Variants in FSTL5 observed in about 807,000 individuals in gnomAD.
FSTL5 encodes follistatin-related protein 5.
FSTL5 carries 62 observed loss-of-function variants against 89.1 expected under a neutral mutation model. The ratio of observed to expected loss-of-function variants is 0.70; its 90% CI spans 0.57 to 0.86. FSTL5 has a LOEUF of 0.86. Among genes scored for constraint, FSTL5 ranks in the 40% least tolerant of loss-of-function variants. The probability of loss-of-function intolerance (pLI) is 0.00; values close to 1 mark genes in which losing one functional copy is unlikely to be tolerated. For synonymous variants in FSTL5, 383 were observed against 346.2 expected (o/e 1.11, Z -1.18); for missense variants, 1,057 against 1,001.6 (o/e 1.06, Z -0.75).
Position 162,061,675 on chromosome 4 carries a change from G to A in FSTL5, c.127-28017C>T, listed in dbSNP as rs1738721878. ...TAAGAATTTTAAGATGATGACAGCA[G>A]GGTTTTAAACCAAAGCACGCAGTCC... is the stretch of plus-strand genomic sequence containing the variant. On this transcript the variant is annotated intron_variant, in intron 2 of 15. Coordinates refer to ENST00000306100, the MANE Select transcript of FSTL5 (RefSeq NM_020116.5). Among the ~76,000 whole-genome samples the A allele has an allele frequency of 2.6e-5, 4 of 152,196 alleles. No individual in the cohort carries two copies. The South Asian group carries it at 6.2e-4, about 24-fold the overall frequency.
At chr4:161,670,741 C>A (rs2126697656) in intron 6 of FSTL5, among the ~76,000 whole-genome samples, 1 of 152,298 alleles carries the variant, frequency 6.6e-6, no homozygotes, top group African/African-American at 2.4e-5. Context: ...GAATTGAACA[C>A]TGGCTGTTCA....
intron 6 of FSTL5, among the ~76,000 whole-genome samples, chr4:161,703,142 G>A (rs1738460685): frequency 6.6e-6 from 1 of 152,050 alleles, no homozygotes; most frequent in Non-Finnish European, 1.5e-5. Context: ...CAAACCTACT[G>A]ACACCTTGAT....
At chr4:161,907,577 C>T (rs1733571942) in intron 4 of FSTL5, among the ~76,000 whole-genome samples, 1 of 151,984 alleles carries the variant, frequency 6.6e-6, no homozygotes, top group Non-Finnish European at 1.5e-5. Flanking sequence ...TGCTATTCAC[C>T]AGACATGGTT....
intron 11 of FSTL5, among the ~76,000 whole-genome samples, chr4:161,501,334 G>C (rs1730288544): frequency 6.6e-6 from 1 of 151,958 alleles, no homozygotes; most frequent in African/African-American, 2.4e-5. Context: ...AAAAATATGT[G>C]TTTATTGAAC....
At chr4:161,586,704 T>C (rs1296425266) in intron 8 of FSTL5, among the ~76,000 whole-genome samples, 4 of 152,162 alleles carry the variant, frequency 2.6e-5, no homozygotes, top group Non-Finnish European at 4.4e-5. Flanking sequence ...AATCCAAATA[T>C]TTACCTGAGT....
At chr4:161,886,825 A>G (rs1184195270) in intron 4 of FSTL5, among the ~76,000 whole-genome samples, 1 of 152,226 alleles carries the variant, frequency 6.6e-6, no homozygotes, top group East Asian at 1.9e-4. Context: ...CATGCTAAAT[A>G]TGATATTGAA....
chr4:161,456,778 G>A (rs545779965), intron 14 of FSTL5, among the ~76,000 whole-genome samples: 4 of 152,134 alleles, frequency 2.6e-5, no homozygotes, highest in Non-Finnish European at 5.9e-5. Context: ...TAAGTCTAAT[G>A]GCATAGCAAA....
intron 4 of FSTL5, among the ~76,000 whole-genome samples, chr4:161,812,100 G>A (rs2126840278): frequency 6.6e-6 from 1 of 152,222 alleles, no homozygotes; most frequent in South Asian, 2.1e-4. Flanking sequence ...ACATAAAATG[G>A]CAATGCAGCT....
At chr4:162,056,817 C>G (rs1420909075) in intron 2 of FSTL5, among the ~76,000 whole-genome samples, 1 of 152,014 alleles carries the variant, frequency 6.6e-6, no homozygotes, top group East Asian at 1.9e-4. Flanking sequence ...ATTCACAAAG[C>G]TTTATTAAAT....
intron 3 of FSTL5, among the ~76,000 whole-genome samples, chr4:161,924,944 T>C (rs1734083597): frequency 1.3e-5 from 2 of 151,934 alleles, no homozygotes; most frequent in Admixed American, 6.6e-5. Flanking sequence ...TTCACAATTA[T>C]TGGTTAAAAA....
chr4:161,978,265 T>C lies in FSTL5; in HGVS notation c.160+55360A>G, dbSNP rs12641324. ...ACATGTATATGTGCTTTATGTATCT[T>C]GTGAACTAATTGATTATAAGGTATT... On this transcript the variant is annotated intron_variant, in intron 3 of 15. Coordinates refer to ENST00000306100, the MANE Select transcript of FSTL5 (RefSeq NM_020116.5). Among the ~76,000 whole-genome samples the C allele has an allele frequency of 0.014, 2,133 of 152,322 alleles. 130 individuals carry two copies. In the East Asian group the frequency reaches 0.21, roughly 15 times the overall value.
chr4:161,651,912 A>G (rs912171195), intron 7 of FSTL5, among the ~76,000 whole-genome samples: 11 of 152,208 alleles, frequency 7.2e-5, no homozygotes, highest in Non-Finnish European at 1.6e-4. Flanking sequence ...CATCAATTGA[A>G]TATCAATTAG....
chr4:162,153,720 TA>T (rs1200387032), intron 1 of FSTL5, among the ~76,000 whole-genome samples: 41 of 104,774 alleles, frequency 3.9e-4, no homozygotes, highest in African/African-American at 1.1e-3. Flanking sequence ...ATGTATATAA[TA>T]ATATATGTAT....
intron 8 of FSTL5, among the ~76,000 whole-genome samples, chr4:161,580,957 T>C (rs1238468676): frequency 6.6e-6 from 1 of 152,092 alleles, no homozygotes; most frequent in East Asian, 1.9e-4. Context: ...AAGACATGAA[T>C]ACTGTCTGCT....
intron 1 of FSTL5, among the ~76,000 whole-genome samples, chr4:162,124,960 C>T (rs1368218339): frequency 1.3e-5 from 2 of 152,188 alleles, no homozygotes; most frequent in African/African-American, 2.4e-5. Flanking sequence ...GCCTTGGCCT[C>T]CCAAAGTGCT....
chr4:162,117,963 G>A (rs749535668), intron 1 of FSTL5, among the ~76,000 whole-genome samples: 1 of 152,058 alleles, frequency 6.6e-6, no homozygotes, highest in Non-Finnish European at 1.5e-5. Context: ...CAAGTGAGTC[G>A]AAAAATTAAG....
chr4:162,098,421 T>C (rs1353219528), intron 2 of FSTL5, among the ~76,000 whole-genome samples: 2 of 152,016 alleles, frequency 1.3e-5, no homozygotes, highest in Admixed American at 6.6e-5. Context: ...TGCAAAAATA[T>C]ACACTTTTGT....
intron 6 of FSTL5, among the ~76,000 whole-genome samples, chr4:161,740,166 T>G (rs1307575730): frequency 6.6e-6 from 1 of 151,908 alleles, no homozygotes; most frequent in Non-Finnish European, 1.5e-5. Flanking sequence ...ATTACAGACT[T>G]GTGCCACCAT....
chr4:162,045,282 G>A (rs954854206), intron 2 of FSTL5, among the ~76,000 whole-genome samples: 1 of 152,090 alleles, frequency 6.6e-6, no homozygotes, highest in Non-Finnish European at 1.5e-5. Flanking sequence ...AGGGAGGCCT[G>A]ATGAGAGGGA....
Sources: allele counts gnomAD v4.1 joint callset (sites outside exome capture counted in the v4.1 genomes callset), GRCh38; gene constraint gnomAD v4.1.1; transcripts MANE v1.5; gene names NCBI Gene and HGNC (gene_info 2026-07-23, HGNC 2026-07-21).